SLC25A48: variants seen among roughly 807,000 people sequenced by gnomAD.
The protein encoded by SLC25A48 is CTC-321K16.1.
A neutral mutation model predicts 32.2 loss-of-function variants in SLC25A48; 29 were observed. The observed-to-expected ratio is 0.90, with a 90% CI of 0.67 to 1.23. SLC25A48 has a LOEUF of 1.23. Ranked by LOEUF, SLC25A48 falls within the 50% of genes most tolerant of loss-of-function variation. The pLI is 0.00. For synonymous variants in SLC25A48, 164 were observed against 172.3 expected (o/e 0.95, Z 0.38); for missense variants, 399 against 422.7 (o/e 0.94, Z 0.49).
At chr5:135,746,135 A>G (rs961503218) in intron 3 of SLC25A48, 3 of 153,012 alleles carry the variant, frequency 2.0e-5, no homozygotes, top group African/African-American at 7.2e-5. Flanking sequence ...CTCTCCGTAT[A>G]CAATACCTTC....
chr5:135,781,513 C>G lies in SLC25A48; in HGVS notation c.-520-31010C>G, dbSNP rs1028013080. Among the ~76,000 whole-genome samples, 6 of 117,452 alleles carry G rather than the reference C, an allele frequency of 5.1e-5. 2 individuals carry two copies. Among genetic ancestry groups the G allele is most frequent in the African/African-American group, 1.6e-4 (6 of 38,610 alleles). The allele number at this position is 117,452 out of a possible 152,430, so 77.1% of individuals were successfully genotyped here. ...CCCAATATTGCAGAAAGGGTACAAC[C>G]ACCCTGTGATATTGTTCCTAATATC... On this transcript the variant is annotated intron_variant, in intron 3 of 10. Transcript: ENST00000646290.
At chr5:135,745,736 T>G (rs1755622704) in intron 3 of SLC25A48, among the ~76,000 whole-genome samples, 1 of 152,178 alleles carries the variant, frequency 6.6e-6, no homozygotes, top group African/African-American at 2.4e-5. Flanking sequence ...ACTAGGGCAG[T>G]GACCATGCCT....
chr5:135,620,985 C>A (rs543794600), intron 1 of SLC25A48, among the ~76,000 whole-genome samples: 2 of 152,304 alleles, frequency 1.3e-5, no homozygotes, highest in South Asian at 4.1e-4. Flanking sequence ...CTTCCTTCTC[C>A]TTCCAGATGA....
chr5:135,603,922 G>A (rs1424864253), intron 1 of SLC25A48, among the ~76,000 whole-genome samples: 2 of 152,166 alleles, frequency 1.3e-5, no homozygotes, highest in African/African-American at 4.8e-5. Context: ...GGCCTTGTTG[G>A]TGTTTCCCCT....
chr5:135,796,011 G>C (rs965262622), intron 3 of SLC25A48, among the ~76,000 whole-genome samples: 1 of 140,114 alleles, frequency 7.1e-6, no homozygotes, highest in Non-Finnish European at 1.6e-5. Context: ...GTATCGCGAG[G>C]GGGGGGTGGG....
intron 3 of SLC25A48, among the ~76,000 whole-genome samples, chr5:135,753,061 G>A (rs552365839): frequency 1.2e-4 from 19 of 152,036 alleles, no homozygotes; most frequent in African/African-American, 3.9e-4. Context: ...GGGGGTGTAC[G>A]TACATATGGT....
chr5:135,820,992 C>T (rs543941694), intron 4 of SLC25A48, among the ~76,000 whole-genome samples: 3 of 152,294 alleles, frequency 2.0e-5, no homozygotes, highest in African/African-American at 7.2e-5. Context: ...GCCTCGTGAC[C>T]ATCAATGGCA....
At chr5:135,851,135 G>T (rs1759823050) in intron 3 of SLC25A48, among the ~76,000 whole-genome samples, 8 of 152,192 alleles carry the variant, frequency 5.3e-5, no homozygotes. Flanking sequence ...GCAGCCCTCT[G>T]ACTTTTCCCT....
intron 1 of SLC25A48, among the ~76,000 whole-genome samples, chr5:135,581,184 G>C (rs1017875082): frequency 6.6e-6 from 1 of 152,232 alleles, no homozygotes; most frequent in African/African-American, 2.4e-5. Context: ...GATATGTGCT[G>C]ACCATTGCGG....
chr5:135,851,844 C>G (rs556616342), intron 3 of SLC25A48, among the ~76,000 whole-genome samples: 1 of 152,100 alleles, frequency 6.6e-6, no homozygotes, highest in Non-Finnish European at 1.5e-5. Flanking sequence ...TGGAAGGGAC[C>G]GAACCCGGCC....
At chr5:135,588,421 A>C (rs1003648040) in intron 1 of SLC25A48, among the ~76,000 whole-genome samples, 1 of 152,250 alleles carries the variant, frequency 6.6e-6, no homozygotes, top group Non-Finnish European at 1.5e-5. Flanking sequence ...ATAAACACCA[A>C]GTTGAGCCCT....
At chr5:135,848,097 T>C (rs1759561132) in intron 2 of SLC25A48, among the ~76,000 whole-genome samples, 1 of 152,210 alleles carries the variant, frequency 6.6e-6, no homozygotes, top group South Asian at 2.1e-4. Flanking sequence ...GCTGCTGGCC[T>C]CAGTGCCAGC....
At chr5:135,593,906 T>C (rs953573856) in intron 1 of SLC25A48, among the ~76,000 whole-genome samples, 9 of 152,232 alleles carry the variant, frequency 5.9e-5, no homozygotes, top group African/African-American at 2.2e-4. Context: ...CAAGGCTTGC[T>C]AACTTCTGGG....
At position 135,692,195 on chromosome 5, in the gene SLC25A48, G is replaced by A. The variant is rs571644220; in HGVS notation, c.-521+57239G>A. ...CAGCTGGGTGTGGTGGCATGCGCCT[G>A]TAGTCCCACCTACTTGGGAGGCTGA... On this transcript the variant is annotated intron_variant, in intron 3 of 10. Coordinates refer to the SLC25A48 transcript ENST00000646290. Among the ~76,000 whole-genome samples the A allele has an allele frequency of 3.3e-5, 5 of 152,032 alleles. No individual in the cohort carries two copies. The East Asian group carries it at 9.7e-4, about 29-fold the overall frequency.
intron 3 of SLC25A48, among the ~76,000 whole-genome samples, chr5:135,763,235 A>G (rs1368706536): frequency 1.3e-5 from 2 of 152,138 alleles, no homozygotes; most frequent in African/African-American, 4.8e-5. Flanking sequence ...ATTTGCTGGC[A>G]TTTGACTCAC....
Position 135,856,932 on chromosome 5 carries a change from T to C in SLC25A48, c.421+4111T>C, listed in dbSNP as rs557470415. Among the ~76,000 whole-genome samples the C allele has an allele frequency of 7.7e-4, 117 of 152,322 alleles. 1 individual carries two copies. Among genetic ancestry groups the C allele is most frequent in the Non-Finnish European group, 1.4e-3 (92 of 68,024 alleles). On this transcript the variant is annotated intron_variant, in intron 4 of 7. Coordinates refer to ENST00000681962, the MANE Select transcript of SLC25A48 (RefSeq NM_001349336.2). ...AAATCTCCATACGTCTTAAAACTGTTTGGGGTTCGGTTGTTGGAAAAGGCT... is the reference window on the plus strand; with the variant it reads ...AAATCTCCATACGTCTTAAAACTGTCTGGGGTTCGGTTGTTGGAAAAGGCT...
intron 1 of SLC25A48, among the ~76,000 whole-genome samples, chr5:135,613,925 C>A (rs943367166): frequency 6.6e-6 from 1 of 152,140 alleles, no homozygotes; most frequent in East Asian, 1.9e-4. Flanking sequence ...GCTATTCAGG[C>A]TCTTTTATGA....
chr5:135,886,203 T>C (rs1254001538), intron 7 of SLC25A48, among the ~76,000 whole-genome samples: 7 of 152,152 alleles, frequency 4.6e-5, no homozygotes, highest in African/African-American at 1.7e-4. Context: ...ATTGCAGAGC[T>C]AGGGCTCCCT....
Position 135,739,840 on chromosome 5 carries a change from A to G in SLC25A48, c.-520-72683A>G, listed in dbSNP as rs1755460592. ...ACAGCTGATCTAGCCATATTTCCAC[A>G]CTGAATGGTGTGTTTTCCTTCTGTA... On this transcript the variant is annotated intron_variant, in intron 3 of 10. Transcript: ENST00000646290. Among the ~76,000 whole-genome samples, 3 of 152,122 alleles carry G rather than the reference A, an allele frequency of 2.0e-5. No individual in the cohort carries two copies. In the South Asian group the frequency reaches 6.2e-4, roughly 32 times the overall value.
Sources: allele counts gnomAD v4.1 joint callset (sites outside exome capture counted in the v4.1 genomes callset), GRCh38; gene constraint gnomAD v4.1.1; transcripts MANE v1.5; gene names NCBI Gene and HGNC (gene_info 2026-07-23, HGNC 2026-07-21).